Variants in ERO1A observed in about 807,000 individuals in gnomAD.
ERO1A encodes the protein ERO1-like protein alpha.
A neutral mutation model predicts 76.9 loss-of-function variants in ERO1A; 49 were observed. The observed-to-expected ratio is 0.64, with a 90% CI of 0.51 to 0.81. The LOEUF (loss-of-function observed/expected upper bound fraction) is 0.81, where lower values mean the gene tolerates loss of function less well. ERO1A is among the 30% of genes least tolerant of loss of function. ERO1A has a pLI of 0.00. For missense variants in ERO1A, 448 were observed against 542.1 expected (o/e 0.83, Z 1.72); for synonymous variants, 174 against 181.2 (o/e 0.96, Z 0.32).
intron 7 of ERO1A, among the ~76,000 whole-genome samples, chr14:52,664,885 G>A (rs1438537807): frequency 6.6e-6 from 1 of 151,910 alleles, no homozygotes; most frequent in Admixed American, 6.5e-5. Flanking sequence ...TAGAGACGGG[G>A]TTTCACCGCG....
At chr14:52,676,421 A>G (rs1168680216) in intron 4 of ERO1A, among the ~76,000 whole-genome samples, 1 of 152,196 alleles carries the variant, frequency 6.6e-6, no homozygotes, top group Non-Finnish European at 1.5e-5. Context: ...CTGGCAGCTT[A>G]GTAATATTGT....
At position 52,686,432 on chromosome 14, in the gene ERO1A, A is replaced by G. The variant is rs185322353; in HGVS notation, c.115-2525T>C. On this transcript the variant is annotated intron_variant, in intron 1 of 15. Coordinates refer to ENST00000395686, the MANE Select transcript of ERO1A (RefSeq NM_014584.3). ...GCAAAGGTAAACACCTTTTGTGTCT[A>G]TCATTCTTCCTATCTCTATCCTAAT... is the stretch of plus-strand genomic sequence containing the variant. Among the ~76,000 whole-genome samples, 3 of 152,324 alleles carry G rather than the reference A, an allele frequency of 2.0e-5. No individual in the cohort carries two copies. The East Asian group carries it at 5.8e-4, about 29-fold the overall frequency.
At chr14:52,671,911 C>A in intron 4 of ERO1A, 40 bp from the exon 5 acceptor site, 2 of 1,306,784 alleles carry the variant, frequency 1.5e-6, no homozygotes, top group South Asian at 1.3e-5. Context: ...TAACTTATTG[C>A]ATTTTTAAAA....
intron 8 of ERO1A, among the ~76,000 whole-genome samples, chr14:52,663,388 A>G (rs1029994497): frequency 1.4e-4 from 21 of 152,072 alleles, no homozygotes; most frequent in Admixed American, 1.4e-3. Context: ...TCATGAGGTC[A>G]GGAGATCGAG....
At chr14:52,658,878 ACT>A (rs1317147725) in intron 9 of ERO1A, among the ~76,000 whole-genome samples, 3 of 152,170 alleles carry the variant, frequency 2.0e-5, no homozygotes, top group African/African-American at 7.2e-5. Context: ...TAATCATACA[ACT>A]CTGTAAAGAT....
intron 13 of ERO1A, among the ~76,000 whole-genome samples, chr14:52,650,363 C>T (rs755974344): frequency 1.3e-5 from 2 of 150,782 alleles, no homozygotes; most frequent in African/African-American, 4.9e-5. Context: ...TTAATTGTTA[C>T]CATATCTTAA....
At chr14:52,673,097 T>G (rs2040664065) in intron 4 of ERO1A, among the ~76,000 whole-genome samples, 1 of 152,152 alleles carries the variant, frequency 6.6e-6, no homozygotes, top group Admixed American at 6.5e-5. Flanking sequence ...TAATGATTTT[T>G]TTTTTTCTTT....
At position 52,683,787 on chromosome 14, in the gene ERO1A, C is replaced by T; in HGVS notation, c.234+1G>A. ...ATATAAAAAATTAAAATTAAAAATA[C>T]CTTGTAATACCTAAAGTAGTCACTT... On this transcript the variant is annotated splice_donor_variant, in intron 2 of 15. Transcript: ENST00000395686. LOFTEE classifies it high-confidence loss of function. 7.4e-7 allele frequency: 1 copy of T among 1,350,278 alleles called. No homozygotes were observed. The highest frequency in any genetic ancestry group is 1.0e-6 in the Non-Finnish European group (1 of 995,268). 83.6% of individuals were successfully genotyped at this position (1,350,278 alleles called of 1,614,324 possible).
chr14:52,672,390 C>T (rs935207663), intron 4 of ERO1A, among the ~76,000 whole-genome samples: 1 of 152,118 alleles, frequency 6.6e-6, no homozygotes, highest in Non-Finnish European at 1.5e-5. Context: ...TATTCTTTTG[C>T]CCCTAAAGTA....
At chr14:52,664,815 T>C (rs973496720) in intron 7 of ERO1A, among the ~76,000 whole-genome samples, 11 of 151,948 alleles carry the variant, frequency 7.2e-5, no homozygotes, top group South Asian at 4.2e-4. Flanking sequence ...CCTCAGCCTC[T>C]CGAGTAGCTG....
chr14:52,660,576 T>A (rs1252967658), intron 9 of ERO1A, among the ~76,000 whole-genome samples: 1 of 152,190 alleles, frequency 6.6e-6, no homozygotes, highest in Non-Finnish European at 1.5e-5. Flanking sequence ...AGCACAATAA[T>A]AAAATAGCAT....
intron 15 of ERO1A, among the ~76,000 whole-genome samples, chr14:52,644,317 G>A (rs2039571584): frequency 6.6e-6 from 1 of 152,160 alleles, no homozygotes; most frequent in South Asian, 2.1e-4. Context: ...AGCCAGGCAT[G>A]GTGGCGTGTG....
In ERO1A at chr14:52,642,948, ACC is replaced by A. The variant is rs2039524980; in HGVS notation, c.*620_*621del. The A allele has an allele frequency of 2.0e-5, 3 of 152,758 alleles. No homozygotes were observed. In the South Asian group the frequency reaches 6.2e-4, roughly 32 times the overall value. The allele number at this position is 152,758 out of a possible 1,614,324, so 9.5% of individuals were successfully genotyped here. A position where few individuals can be genotyped will look rare whatever the true frequency, so the allele number is the denominator to read the frequency against. On this transcript the variant is annotated 3_prime_UTR_variant, in exon 16 of 16. Transcript: ENST00000395686. ...TACTTCTAAAAGTGATTTGTTTCAT[ACC>A]AATGTATTTTAGGATTGCCAGATAA... is the stretch of plus-strand genomic sequence containing the variant.
intron 2 of ERO1A, among the ~76,000 whole-genome samples, 187 bp downstream of exon 2, chr14:52,683,601 T>C (rs921432342): frequency 1.3e-5 from 2 of 152,208 alleles, no homozygotes; most frequent in Non-Finnish European, 2.9e-5. Flanking sequence ...GAGTGTAAAA[T>C]TCAGTTATTA....
intron 4 of ERO1A, 183 bp from the exon 5 acceptor site, chr14:52,672,054 C>T (rs930682791): frequency 1.6e-5 from 8 of 486,188 alleles, no homozygotes; most frequent in East Asian, 1.5e-4. Flanking sequence ...CCTATAATCC[C>T]GGCACTGTGG....
At chr14:52,688,729 A>G (rs2041259065) in intron 1 of ERO1A, among the ~76,000 whole-genome samples, 1 of 152,198 alleles carries the variant, frequency 6.6e-6, no homozygotes, top group South Asian at 2.1e-4. Context: ...GGGAGCCTCA[A>G]TTACCTTCTC....
intron 6 of ERO1A, among the ~76,000 whole-genome samples, chr14:52,670,640 C>A (rs2040568277): frequency 1.3e-5 from 2 of 152,204 alleles, no homozygotes; most frequent in African/African-American, 4.8e-5. Flanking sequence ...GTTCAATATT[C>A]ACTTCTCCAA....
intron 13 of ERO1A, among the ~76,000 whole-genome samples, chr14:52,650,734 T>C (rs2039831952): frequency 6.6e-6 from 1 of 152,126 alleles, no homozygotes; most frequent in African/African-American, 2.4e-5. Flanking sequence ...GGGTGGAAGC[T>C]CTCTTTCCTT....
At chr14:52,690,027 C>T (rs1051551218) in intron 1 of ERO1A, among the ~76,000 whole-genome samples, 2 of 152,148 alleles carry the variant, frequency 1.3e-5, no homozygotes, top group African/African-American at 4.8e-5. Context: ...TGGGAAAGCA[C>T]AGTCTTGTCA....
Sources: allele counts gnomAD v4.1 joint callset (sites outside exome capture counted in the v4.1 genomes callset), GRCh38; gene constraint gnomAD v4.1.1; transcripts MANE v1.5; gene names NCBI Gene and HGNC (gene_info 2026-07-23, HGNC 2026-07-21).